Variants in MAP6 observed in about 807,000 individuals in gnomAD.
The protein encoded by MAP6 is microtubule-associated protein 6.
MAP6 carries 26 observed loss-of-function variants against 42.4 expected under a neutral mutation model. The ratio of observed to expected loss-of-function variants is 0.61; its 90% CI spans 0.45 to 0.85. MAP6 has a LOEUF of 0.85. MAP6 is among the 40% of genes least tolerant of loss of function. The pLI is 0.00. For synonymous variants in MAP6, 418 were observed against 443.8 expected (o/e 0.94, Z 0.73); for missense variants, 966 against 1,099.0 (o/e 0.88, Z 1.71).
chr11:75,631,800 C>T (rs1943287947), intron 1 of MAP6, among the ~76,000 whole-genome samples: 1 of 152,232 alleles, frequency 6.6e-6, no homozygotes, highest in Non-Finnish European at 1.5e-5. Flanking sequence ...GTGATAATTT[C>T]TGCTGTCGCA....
chr11:75,658,426 A>G (rs954507446), intron 1 of MAP6, among the ~76,000 whole-genome samples: 8 of 151,570 alleles, frequency 5.3e-5, no homozygotes, highest in Admixed American at 5.3e-4. Context: ...CCAAAACATG[A>G]ACCCTAGAAA....
At chr11:75,616,339 C>T (rs1212715841) in intron 1 of MAP6, among the ~76,000 whole-genome samples, 1 of 152,186 alleles carries the variant, frequency 6.6e-6, no homozygotes, top group Non-Finnish European at 1.5e-5. Flanking sequence ...CATTCCTCGA[C>T]TGCTTTACAA....
intron 2 of MAP6, chr11:75,607,382 CAGA>C: frequency 1.0e-6 from 1 of 985,446 alleles, no homozygotes; most frequent in Non-Finnish European, 1.2e-6. Flanking sequence ...GGCCTGACAT[CAGA>C]AGATGCTAGA....
chr11:75,611,378 C>T (rs1186963628), intron 1 of MAP6, among the ~76,000 whole-genome samples: 1 of 152,254 alleles, frequency 6.6e-6, no homozygotes, highest in Non-Finnish European at 1.5e-5. Flanking sequence ...CCTCCTGCAT[C>T]CCTGCAGTGG....
At chr11:75,609,877 C>T (rs540722968) in intron 1 of MAP6, among the ~76,000 whole-genome samples, 10 of 152,276 alleles carry the variant, frequency 6.6e-5, no homozygotes, top group Middle Eastern at 3.4e-3. Context: ...GAAACTTCAT[C>T]CCCAGTGTGG....
At chr11:75,653,161 C>G (rs541027275) in intron 1 of MAP6, among the ~76,000 whole-genome samples, 1 of 152,322 alleles carries the variant, frequency 6.6e-6, no homozygotes, top group South Asian at 2.1e-4. Flanking sequence ...TGGACCAATT[C>G]ACTCGCCGAG....
At chr11:75,647,347 C>CAAAAAA in intron 1 of MAP6, among the ~76,000 whole-genome samples, 2 of 44,180 alleles carry the variant, frequency 4.5e-5, no homozygotes, top group East Asian at 5.9e-4. Flanking sequence ...CCCACCTGAT[C>CAAAAAA]AAAAAAAAAA....
At chr11:75,611,416 T>C (rs1337594757) in intron 1 of MAP6, among the ~76,000 whole-genome samples, 20 of 152,260 alleles carry the variant, frequency 1.3e-4, no homozygotes, top group Admixed American at 1.2e-3. Flanking sequence ...GCGTCTCACC[T>C]GTGAGCACTA....
chr11:75,639,502 T>C (rs1453318635), intron 1 of MAP6, among the ~76,000 whole-genome samples: 1 of 152,222 alleles, frequency 6.6e-6, no homozygotes, highest in Non-Finnish European at 1.5e-5. Context: ...GGAATATCCA[T>C]TGTGGGCCAA....
intron 3 of MAP6, chr11:75,603,642 G>A (rs1371577517): frequency 1.1e-5 from 11 of 984,720 alleles, no homozygotes; most frequent in African/African-American, 1.7e-5. Flanking sequence ...GTCAAACTGC[G>A]ATTTGGGCAA....
At chr11:75,630,401 T>G (rs933250382) in intron 1 of MAP6, among the ~76,000 whole-genome samples, 1 of 152,258 alleles carries the variant, frequency 6.6e-6, no homozygotes, top group Non-Finnish European at 1.5e-5. Flanking sequence ...TGTAAACCAT[T>G]GCACCTAGTT....
rs140341616 is a variant in MAP6 at position 75,651,759 on chromosome 11, G to A, written c.905+15706C>T. ...ACAAGAGAATGACTATGTCACTTTCGAAGAATGAGTGATGTGCTTAATAAG... is the reference window on the plus strand; with the variant it reads ...ACAAGAGAATGACTATGTCACTTTCAAAGAATGAGTGATGTGCTTAATAAG... On this transcript the variant is annotated intron_variant, in intron 1 of 3. Transcript: ENST00000304771. Among the ~76,000 whole-genome samples the A allele has an allele frequency of 5.2e-3, 785 of 152,304 alleles. 1 individual carries two copies. The highest frequency in any genetic ancestry group is 0.024 in the Middle Eastern group (7 of 294).
In MAP6 at chr11:75,644,750, T is replaced by G. The variant is rs539473762; in HGVS notation, c.905+22715A>C. 1.8e-4 allele frequency among the ~76,000 whole-genome samples: 27 copies of G among 152,290 alleles called. 1 individual carries two copies. The South Asian group carries it at 5.6e-3, about 32-fold the overall frequency. On this transcript the variant is annotated intron_variant, in intron 1 of 3. Coordinates refer to ENST00000304771, the MANE Select transcript of MAP6 (RefSeq NM_033063.2). Reference sequence around the variant, plus strand: ...AAGGCAGAGACAATATTGTCATCATTTGCAGATAATACAATGATTTATATA... The same window carrying G: ...AAGGCAGAGACAATATTGTCATCATGTGCAGATAATACAATGATTTATATA...
At chr11:75,612,400 A>G (rs1394834555) in intron 1 of MAP6, among the ~76,000 whole-genome samples, 1 of 152,230 alleles carries the variant, frequency 6.6e-6, no homozygotes, top group Non-Finnish European at 1.5e-5. Context: ...AGACAAGATG[A>G]ATCAAATGGG....
chr11:75,658,398 C>T (rs609397), intron 1 of MAP6, among the ~76,000 whole-genome samples: 5 of 53,212 alleles, frequency 9.4e-5, no homozygotes, highest in Admixed American at 2.4e-4. Flanking sequence ...ATTTCTCCAC[C>T]CCCCCCGCCC....
At chr11:75,647,797 G>A (rs913665640) in intron 1 of MAP6, among the ~76,000 whole-genome samples, 2 of 152,188 alleles carry the variant, frequency 1.3e-5, no homozygotes, top group African/African-American at 4.8e-5. Context: ...TGCAGTACTT[G>A]AGAACTGAGT....
At chr11:75,602,421 CT>C (rs1350350222) in intron 3 of MAP6, among the ~76,000 whole-genome samples, 6 of 152,300 alleles carry the variant, frequency 3.9e-5, no homozygotes, top group Non-Finnish European at 7.4e-5. Context: ...AGCCAGCCCC[CT>C]ATGGGTGGAA....
chr11:75,605,140 T>G, intron 3 of MAP6: 1 of 985,388 alleles, frequency 1.0e-6, no homozygotes, highest in Non-Finnish European at 1.2e-6. Context: ...GATCTAGTTT[T>G]AGTTATCAGT....
At chr11:75,601,290 C>G (rs1041444762) in intron 3 of MAP6, among the ~76,000 whole-genome samples, 1 of 152,218 alleles carries the variant, frequency 6.6e-6, no homozygotes, top group Non-Finnish European at 1.5e-5. Context: ...TACCTCTCTA[C>G]TTCTCGCCTG....
Sources: allele counts gnomAD v4.1 joint callset (sites outside exome capture counted in the v4.1 genomes callset), GRCh38; gene constraint gnomAD v4.1.1; transcripts MANE v1.5; gene names NCBI Gene and HGNC (gene_info 2026-07-23, HGNC 2026-07-21).